Variants in KIF16B observed in about 807,000 individuals in gnomAD.
KIF16B encodes kinesin family member 16B, also known as kinesin-like protein KIF16B.
A neutral mutation model predicts 156.3 loss-of-function variants in KIF16B; 98 were observed. The ratio of observed to expected loss-of-function variants is 0.63; its 90% confidence interval spans 0.53 to 0.74. The LOEUF is 0.74. Ranked by LOEUF, KIF16B falls within the 30% of genes least tolerant of loss-of-function variation. KIF16B has a pLI of 0.00. For missense variants in KIF16B, 1,421 were observed against 1,606.5 expected (o/e 0.88, Z 1.97); for synonymous variants, 564 against 583.7 (o/e 0.97, Z 0.49).
intron 12 of KIF16B, among the ~76,000 whole-genome samples, chr20:16,478,538 T>C (rs917625455): frequency 2.6e-5 from 4 of 152,200 alleles, no homozygotes; most frequent in African/African-American, 9.7e-5. Context: ...TTAAAATTCA[T>C]ACTGTTCTCA....
chr20:16,402,690 C>T (rs1056771740), intron 17 of KIF16B, among the ~76,000 whole-genome samples: 4 of 152,136 alleles, frequency 2.6e-5, no homozygotes, highest in African/African-American at 9.7e-5. Context: ...AGCAATAAAA[C>T]AACAGCAGAA....
intron 25 of KIF16B, among the ~76,000 whole-genome samples, chr20:16,285,390 G>A (rs995800070): frequency 5.9e-5 from 9 of 152,216 alleles, no homozygotes; most frequent in African/African-American, 1.4e-4. Context: ...ACATGTCTTC[G>A]CTACAATGAA....
intron 6 of KIF16B, among the ~76,000 whole-genome samples, chr20:16,510,533 C>A (rs762972835): frequency 6.6e-6 from 1 of 152,030 alleles, no homozygotes; most frequent in Non-Finnish European, 1.5e-5. Context: ...GCCTGTAATC[C>A]CTGCTACTGG....
At chr20:16,554,922 G>T (rs1421054390) in intron 1 of KIF16B, among the ~76,000 whole-genome samples, 1 of 152,226 alleles carries the variant, frequency 6.6e-6, no homozygotes, top group Non-Finnish European at 1.5e-5. Flanking sequence ...CAGCACGCCT[G>T]GCTGTGAGCA....
intron 17 of KIF16B, chr20:16,382,025 A>G (rs2065108049): frequency 9.7e-7 from 1 of 1,029,286 alleles, no homozygotes; most frequent in Admixed American, 3.1e-5. Context: ...GTTAAACAAG[A>G]CTTCTAAATG....
At chr20:16,432,092 G>A (rs548971048) in intron 12 of KIF16B, among the ~76,000 whole-genome samples, 26 of 152,042 alleles carry the variant, frequency 1.7e-4, no homozygotes, top group African/African-American at 6.0e-4. Flanking sequence ...ACAACCCTCC[G>A]GAAGAGAATG....
intron 15 of KIF16B, among the ~76,000 whole-genome samples, chr20:16,408,962 T>C (rs1014498455): frequency 4.6e-5 from 7 of 152,154 alleles, no homozygotes; most frequent in Admixed American, 2.0e-4. Flanking sequence ...CCAGTCACTG[T>C]GATAAACATG....
At chr20:16,562,257 A>G (rs749270459) in intron 1 of KIF16B, among the ~76,000 whole-genome samples, 3 of 152,204 alleles carry the variant, frequency 2.0e-5, no homozygotes, top group Admixed American at 6.5e-5. Flanking sequence ...ATAGTGCTGT[A>G]CCTCCAACTC....
intron 3 of KIF16B, among the ~76,000 whole-genome samples, chr20:16,524,261 T>C (rs796069266): frequency 1.4e-4 from 21 of 152,280 alleles, no homozygotes; most frequent in Admixed American, 9.8e-4. Flanking sequence ...GAGAAAATTT[T>C]TGCAATCTAT....
At chr20:16,278,153 G>A (rs141653111) in intron 25 of KIF16B, among the ~76,000 whole-genome samples, 1 of 152,312 alleles carries the variant, frequency 6.6e-6, no homozygotes, top group East Asian at 1.9e-4. Context: ...GACAGTGAGT[G>A]ATCATGGGAA....
intron 15 of KIF16B, among the ~76,000 whole-genome samples, chr20:16,423,927 A>T (rs970843368): frequency 6.6e-6 from 1 of 152,078 alleles, no homozygotes; most frequent in African/African-American, 2.4e-5. Flanking sequence ...GTTCCCAAGC[A>T]GGGACTGCCA....
intron 25 of KIF16B, among the ~76,000 whole-genome samples, chr20:16,294,266 C>T (rs1006064676): frequency 1.3e-5 from 2 of 152,126 alleles, no homozygotes; most frequent in Non-Finnish European, 2.9e-5. Context: ...AGATACATGC[C>T]CAACCACCCC....
intron 12 of KIF16B, among the ~76,000 whole-genome samples, chr20:16,475,442 C>A (rs1262558357): frequency 1.3e-5 from 2 of 152,150 alleles, no homozygotes; most frequent in African/African-American, 4.8e-5. Flanking sequence ...TGATATTCTC[C>A]ACCACTTCTC....
chr20:16,463,056 T>A (rs1457896717), intron 12 of KIF16B, among the ~76,000 whole-genome samples: 1 of 152,196 alleles, frequency 6.6e-6, no homozygotes, highest in East Asian at 1.9e-4. Context: ...GCACACCTGG[T>A]CCAACCAATC....
chr20:16,490,177 TTTCA>T (rs2068246040), intron 12 of KIF16B, among the ~76,000 whole-genome samples: 1 of 152,166 alleles, frequency 6.6e-6, no homozygotes, highest in Non-Finnish European at 1.5e-5. Flanking sequence ...AGACAGAGCC[TTTCA>T]TTAAGTTAAA....
Position 16,272,242 on chromosome 20 carries a change from T to C in KIF16B, c.*1011A>G, listed in dbSNP as rs2062995908. The C allele has an allele frequency of 6.6e-6, 1 of 152,650 alleles. No homozygotes were observed. The highest frequency in any genetic ancestry group is 6.5e-5 in the Admixed American group (1 of 15,286). 9.5% of individuals were successfully genotyped at this position (152,650 alleles called of 1,614,324 possible). On this transcript the variant is annotated 3_prime_UTR_variant, in exon 26 of 26. Coordinates refer to ENST00000354981, the MANE Select transcript of KIF16B (RefSeq NM_024704.5). Reference sequence around the variant, plus strand: ...CAGAATGTATACATATATAAATCTATAGATAGAATTATATACATTTGAGTA... The same window carrying C: ...CAGAATGTATACATATATAAATCTACAGATAGAATTATATACATTTGAGTA...
At chr20:16,483,989 T>C (rs2068048500) in intron 12 of KIF16B, among the ~76,000 whole-genome samples, 1 of 150,608 alleles carries the variant, frequency 6.6e-6, no homozygotes, top group African/African-American at 2.5e-5. Context: ...TGAGTACAAG[T>C]GTACATAAAG....
intron 12 of KIF16B, among the ~76,000 whole-genome samples, chr20:16,474,646 C>T (rs905146920): frequency 1.3e-5 from 2 of 152,188 alleles, no homozygotes; most frequent in African/African-American, 4.8e-5. Flanking sequence ...CTTTGCCCTT[C>T]CCCATTTTTC....
chr20:16,370,560 TATCAATCTGAAAA>T lies in KIF16B; in HGVS notation c.3498+13_3498+25del, dbSNP rs1045031517. The T allele has an allele frequency of 5.2e-6, 8 of 1,550,048 alleles. No homozygotes were observed. In the African/African-American group the frequency reaches 1.1e-4, roughly 22 times the overall value. On this transcript the variant is annotated intron_variant, in intron 22 of 25. Transcript: ENST00000354981. ...AGCATGCCATAATTTAAGGCGACCC[TATCAATCTGAAAA>T]ATCATTACCTACCTCATATTTTAGT...
Sources: gnomAD v4.1 joint callset for allele counts (sites outside exome capture counted in the v4.1 genomes callset) on GRCh38, gnomAD v4.1.1 for gene constraint, MANE v1.5 for transcripts, NCBI Gene and HGNC (gene_info 2026-07-23, HGNC 2026-07-21) for gene names.